IQCK: variants seen among roughly 807,000 people sequenced by gnomAD.
The protein encoded by IQCK is IQ domain-containing protein K.
IQCK carries 29 observed loss-of-function variants against 28.1 expected under a neutral mutation model. That is an observed-to-expected ratio of 1.03 (90% confidence interval 0.77 to 1.41). IQCK has a LOEUF of 1.41. Ranked by LOEUF, IQCK falls within the 40% of genes most tolerant of loss-of-function variation. The probability of loss-of-function intolerance (pLI) is 0.00; values close to 1 mark genes in which losing one functional copy is unlikely to be tolerated. For missense variants in IQCK, 359 were observed against 314.7 expected (o/e 1.14, Z -1.07); for synonymous variants, 113 against 115.1 (o/e 0.98, Z 0.12).
chr16:19,790,739 A>G (rs2055606442), intron 7 of IQCK, among the ~76,000 whole-genome samples: 1 of 103,774 alleles, frequency 9.6e-6, no homozygotes, highest in Admixed American at 8.5e-5. Flanking sequence ...CATTCCAGAA[A>G]CCATGGGCTA....
At chr16:19,826,071 A>G (rs942089204) in intron 7 of IQCK, among the ~76,000 whole-genome samples, 1 of 152,194 alleles carries the variant, frequency 6.6e-6, no homozygotes, top group Non-Finnish European at 1.5e-5. Context: ...CAGTGGCACA[A>G]TCTTGGCTTA....
intron 7 of IQCK, among the ~76,000 whole-genome samples, chr16:19,798,457 A>G (rs1277826764): frequency 8.7e-6 from 1 of 114,926 alleles, no homozygotes; most frequent in Non-Finnish European, 1.5e-5. Context: ...TCGGTCACTT[A>G]CAGCCTAGAG....
intron 4 of IQCK, among the ~76,000 whole-genome samples, chr16:19,762,942 G>C (rs998970268): frequency 6.6e-6 from 1 of 152,054 alleles, no homozygotes; most frequent in African/African-American, 2.4e-5. Context: ...CTTGAGCTCG[G>C]GAGGCAGAAG....
chr16:19,837,852 T>G (rs908215192), intron 9 of IQCK, among the ~76,000 whole-genome samples: 10 of 152,212 alleles, frequency 6.6e-5, no homozygotes, highest in African/African-American at 2.4e-4. Flanking sequence ...CCTAATACTA[T>G]GGATTAGCTA....
At chr16:19,739,912 C>T (rs1050426570) in intron 4 of IQCK, among the ~76,000 whole-genome samples, 1 of 152,248 alleles carries the variant, frequency 6.6e-6, no homozygotes, top group African/African-American at 2.4e-5. Context: ...CAATAACCTT[C>T]TGAACCAGAT....
downstream of IQCK, among the ~76,000 whole-genome samples, chr16:19,828,857 AAT>A (rs995744393): frequency 5.5e-5 from 8 of 144,184 alleles, no homozygotes; most frequent in African/African-American, 1.8e-4. Flanking sequence ...TCTCAAAAAA[AAT>A]ATATATATAT....
chr16:19,737,945 G>A (rs973407395), intron 4 of IQCK, among the ~76,000 whole-genome samples: 1 of 152,120 alleles, frequency 6.6e-6, no homozygotes, highest in African/African-American at 2.4e-5. Context: ...CCAGTTCCCT[G>A]CTGGGCTCAA....
intron 4 of IQCK, among the ~76,000 whole-genome samples, chr16:19,749,038 ACT>A (rs1379964021): frequency 6.6e-6 from 1 of 152,130 alleles, no homozygotes; most frequent in Non-Finnish European, 1.5e-5. Context: ...TAAATCATTG[ACT>A]CTCTTGGTTG....
intron 6 of IQCK, among the ~76,000 whole-genome samples, chr16:19,785,709 A>G (rs1396345125): frequency 1.3e-5 from 2 of 152,146 alleles, no homozygotes; most frequent in Non-Finnish European, 2.9e-5. Context: ...GCTGGCTACC[A>G]CTTACTTCAT....
chr16:19,719,808 G>C (rs1357461935), intron 1 of IQCK, among the ~76,000 whole-genome samples: 1 of 151,010 alleles, frequency 6.6e-6, no homozygotes, highest in African/African-American at 2.4e-5. Context: ...TGAGTAGCTG[G>C]GATTACAGGC....
intron 6 of IQCK, 74 bp downstream of exon 6, chr16:19,764,186 A>G: frequency 8.0e-7 from 1 of 1,256,206 alleles, no homozygotes; most frequent in Non-Finnish European, 1.1e-6. Flanking sequence ...TCTTCCATCT[A>G]AGAGAACAAA....
At chr16:19,766,013 T>G (rs1567548784) in intron 6 of IQCK, 1 of 152,206 alleles carries the variant, frequency 6.6e-6, no homozygotes, top group Non-Finnish European at 1.5e-5. Context: ...CTCATGTAAA[T>G]ATACTGTGAA....
rs1017343547 is a variant in IQCK at position 19,734,948 on chromosome 16, G to A, written c.377-405G>A. ...GTTCTGTGCCTTCTGCATGCCTTGGGCCTTGGCTAACGACTGCCTTTATTA... is the reference window on the plus strand; with the variant it reads ...GTTCTGTGCCTTCTGCATGCCTTGGACCTTGGCTAACGACTGCCTTTATTA... On this transcript the variant is annotated intron_variant, in intron 3 of 7. Transcript: ENST00000564186. 9.5e-4 allele frequency among the ~76,000 whole-genome samples: 145 copies of A among 151,996 alleles called. 2 individuals carry two copies. The highest frequency in any genetic ancestry group is 2.8e-4 in the Non-Finnish European group (19 of 68,010).
rs1261492445 is a variant in IQCK at position 19,827,138 on chromosome 16, G to A, written c.803G>A (p.Gly268Asp). Residue 268 changes from glycine (G) to aspartate (D), a missense_variant, in exon 8 of 8, where the codon GGT becomes GAT. By Grantham distance (94) the Gly-to-Asp change is moderately conservative. Coordinates refer to ENST00000564186, the Ensembl canonical transcript of IQCK. The stretch of plus-strand genomic sequence containing the variant: ...TTCTGGGCCAAGCAAGAACAAAAAG[G>A]TAAGTTGCTGGATTCACTGTCCTTA... The A allele has an allele frequency of 1.3e-6, 2 of 1,596,284 alleles. No individual in the cohort carries two copies. Among genetic ancestry groups the A allele is most frequent in the East Asian group, 2.2e-5 (1 of 44,818 alleles).
intron 9 of IQCK, among the ~76,000 whole-genome samples, chr16:19,844,341 A>AG (rs2056392762): frequency 1.3e-5 from 2 of 152,146 alleles, no homozygotes; most frequent in Admixed American, 6.5e-5. Flanking sequence ...GGCCTCCCAA[A>AG]GTGCTGGGAT....
chr16:19,783,724 C>T (rs747130205), intron 6 of IQCK, among the ~76,000 whole-genome samples: 1 of 152,182 alleles, frequency 6.6e-6, no homozygotes, highest in Non-Finnish European at 1.5e-5. Context: ...CTTTCTCATA[C>T]TTATTCTTGG....
intron 6 of IQCK, among the ~76,000 whole-genome samples, chr16:19,776,128 G>T (rs2055391056): frequency 6.6e-6 from 1 of 151,936 alleles, no homozygotes; most frequent in African/African-American, 2.4e-5. Flanking sequence ...TGATCCACCT[G>T]CCTCGGCCTC....
chr16:19,768,405 G>A (rs769575468), intron 6 of IQCK, among the ~76,000 whole-genome samples: 9 of 152,144 alleles, frequency 5.9e-5, no homozygotes, highest in Non-Finnish European at 2.9e-5. Context: ...TAGTACTTCA[G>A]GCAGAATTAA....
chr16:19,822,871 A>T (rs575245975), intron 7 of IQCK, among the ~76,000 whole-genome samples: 239 of 152,340 alleles, frequency 1.6e-3, no homozygotes, highest in Admixed American at 2.9e-3. Flanking sequence ...ACCAAATTTT[A>T]AAAAAATCAC....
Sources: allele counts gnomAD v4.1 joint callset (sites outside exome capture counted in the v4.1 genomes callset), GRCh38; gene constraint gnomAD v4.1.1; transcripts MANE v1.5; gene names NCBI Gene and HGNC (gene_info 2026-07-23, HGNC 2026-07-21).